The following ARMC8 variants were observed in gnomAD, a reference collection of about 807,000 sequenced individuals.
ARMC8 encodes the protein armadillo repeat containing 8, also known as armadillo repeat-containing protein 8.
ARMC8 carries 20 observed loss-of-function variants against 99.3 expected under a neutral mutation model. The observed-to-expected ratio is 0.20, with a 90% confidence interval of 0.14 to 0.29. ARMC8 has a LOEUF of 0.29. Ranked by LOEUF, ARMC8 falls within the 10% of genes least tolerant of loss-of-function variation. The pLI is 1.00. For missense variants in ARMC8, 569 were observed against 809.5 expected, an observed-to-expected ratio of 0.70 and a Z score of 3.60; for synonymous variants, 263 against 278.3, an observed-to-expected ratio of 0.95 and a Z score of 0.55.
At chr3:138,239,797 A>G (rs964605328) in intron 10 of ARMC8, among the ~76,000 whole-genome samples, 6 of 152,204 alleles carry the variant, frequency 3.9e-5, no homozygotes, top group African/African-American at 1.4e-4. Context: ...TGGAAATTGT[A>G]AAAGTGTACA....
intron 21 of ARMC8, among the ~76,000 whole-genome samples, chr3:138,292,516 A>C (rs949891557): frequency 1.3e-5 from 2 of 152,224 alleles, no homozygotes; most frequent in African/African-American, 4.8e-5. Context: ...ATCTGAAGAT[A>C]AGCACCAACG....
At chr3:138,272,741 G>A (rs1162409322) in intron 16 of ARMC8, among the ~76,000 whole-genome samples, 1 of 152,100 alleles carries the variant, frequency 6.6e-6, no homozygotes, top group Non-Finnish European at 1.5e-5. Flanking sequence ...CAGGCGTGGT[G>A]GCTCGCGCCT....
intron 1 of ARMC8, among the ~76,000 whole-genome samples, chr3:138,209,435 T>C (rs1452259113): frequency 6.6e-6 from 1 of 152,204 alleles, no homozygotes; most frequent in Non-Finnish European, 1.5e-5. Flanking sequence ...ACTTAATATC[T>C]TCCTGATGAT....
At chr3:138,258,341 GT>G (rs2047504876) in intron 12 of ARMC8, among the ~76,000 whole-genome samples, 3 of 152,184 alleles carry the variant, frequency 2.0e-5, no homozygotes, top group Non-Finnish European at 4.4e-5. Flanking sequence ...TGGAAGAATA[GT>G]TTGTCTTGTT....
chr3:138,257,611 A>G (rs566653031), intron 12 of ARMC8, among the ~76,000 whole-genome samples: 1 of 152,018 alleles, frequency 6.6e-6, no homozygotes, highest in South Asian at 2.1e-4. Flanking sequence ...CCCATTTCCA[A>G]AACTAGTGTC....
intron 2 of ARMC8, among the ~76,000 whole-genome samples, chr3:138,218,605 T>G (rs1351802878): frequency 6.6e-6 from 1 of 152,240 alleles, no homozygotes; most frequent in East Asian, 1.9e-4. Context: ...CCTTTTAAGC[T>G]TATTGAGCAT....
chr3:138,190,989 C>T (rs574703779), intron 1 of ARMC8, among the ~76,000 whole-genome samples: 3 of 152,262 alleles, frequency 2.0e-5, no homozygotes, highest in South Asian at 2.1e-4. Context: ...GGGAAGGTTT[C>T]CCTGAAGAAG....
At chr3:138,262,313 A>G in intron 12 of ARMC8, 2 of 521,904 alleles carry the variant, frequency 3.8e-6, no homozygotes, top group Non-Finnish European at 3.4e-6. Flanking sequence ...GGTTTGGTCT[A>G]GGGCGAGGAG....
At chr3:138,251,241 A>G (rs940653480) in intron 12 of ARMC8, among the ~76,000 whole-genome samples, 1 of 152,196 alleles carries the variant, frequency 6.6e-6, no homozygotes, top group South Asian at 2.1e-4. Flanking sequence ...CTTCTGGGTA[A>G]CAGTATAAAT....
At position 138,198,530 on chromosome 3, in the gene ARMC8, G is replaced by C. The variant is rs2043869481; in HGVS notation, c.45+10931G>C. On this transcript the variant is annotated intron_variant, in intron 1 of 21. Transcript: ENST00000469044. ...ATTATTATTATTATTATTATTTTTT[G>C]AGACAGATTCTCACTCTTCTCACCC... Among the ~76,000 whole-genome samples, 3 of 149,990 alleles carry C rather than the reference G, an allele frequency of 2.0e-5. 1 individual carries two copies. Among genetic ancestry groups the C allele is most frequent in the Admixed American group, 2.0e-4 (3 of 15,094 alleles).
chr3:138,234,043 A>G (rs1339620929), intron 6 of ARMC8, among the ~76,000 whole-genome samples: 3 of 151,958 alleles, frequency 2.0e-5, no homozygotes, highest in South Asian at 2.1e-4. Flanking sequence ...ATGAAAAAAA[A>G]CCCTTCATTT....
At chr3:138,229,441 A>G (rs1237707002) in intron 6 of ARMC8, among the ~76,000 whole-genome samples, 3 of 151,346 alleles carry the variant, frequency 2.0e-5, no homozygotes, top group Admixed American at 2.0e-4. Flanking sequence ...TGCTATTACA[A>G]AACAGTGCTG....
chr3:138,268,621 TAAAC>T (rs1442558371), intron 15 of ARMC8, among the ~76,000 whole-genome samples: 1 of 152,032 alleles, frequency 6.6e-6, no homozygotes, highest in Non-Finnish European at 1.5e-5. Flanking sequence ...TACTAAAAAT[TAAAC>T]AATCAACCAG....
chr3:138,193,472 G>C (rs1471192180), intron 1 of ARMC8, among the ~76,000 whole-genome samples: 2 of 152,090 alleles, frequency 1.3e-5, no homozygotes, highest in African/African-American at 4.8e-5. Flanking sequence ...CGCCATGTTG[G>C]CCAGGCTGGT....
At chr3:138,211,458 G>T (rs1329568255) in intron 2 of ARMC8, among the ~76,000 whole-genome samples, 1 of 152,130 alleles carries the variant, frequency 6.6e-6, no homozygotes, top group African/African-American at 2.4e-5. Flanking sequence ...ACTTACCAAA[G>T]AACACTAGTT....
chr3:138,293,941 A>G (rs1047669268), intron 21 of ARMC8, among the ~76,000 whole-genome samples: 2 of 152,208 alleles, frequency 1.3e-5, no homozygotes, highest in Non-Finnish European at 2.9e-5. Flanking sequence ...GTAAAATAAT[A>G]GAATCAAGGT....
chr3:138,218,310 A>G (rs2045196455), intron 2 of ARMC8, among the ~76,000 whole-genome samples: 1 of 152,134 alleles, frequency 6.6e-6, no homozygotes, highest in South Asian at 2.1e-4. Flanking sequence ...TTCCTTAGTC[A>G]CTGCTTCCTT....
At position 138,235,970 on chromosome 3, in the gene ARMC8, TG is replaced by T. The variant is rs573893993; in HGVS notation, c.609+857del. Among the ~76,000 whole-genome samples, 1,434 of 152,218 alleles carry T rather than the reference TG, an allele frequency of 9.4e-3. 5 individuals are homozygous for T. The highest frequency in any genetic ancestry group is 0.014 in the Non-Finnish European group (965 of 67,984). ...ACAGGCACCTGCCACCACCCCTGGC[TG>T]ATTTTTTCTATATTTTAGTAGAGAC... On this transcript the variant is annotated intron_variant, in intron 7 of 21. Transcript: ENST00000469044.
At position 138,242,365 on chromosome 3, in the gene ARMC8, G is replaced by A. The variant is rs562797188; in HGVS notation, c.1038+382G>A. On this transcript the variant is annotated intron_variant, in intron 11 of 21. Coordinates refer to ENST00000469044, the MANE Select transcript of ARMC8 (RefSeq NM_001363941.2). ...TAATCTTTTTGTTACAGGAGACTAA[G>A]TTGTCCCATGTTACTTTCCACCACA... 1.4e-4 allele frequency among the ~76,000 whole-genome samples: 21 copies of A among 152,242 alleles called. No homozygotes were observed. In the South Asian group the frequency reaches 3.9e-3, roughly 29 times the overall value.
Sources: allele counts gnomAD v4.1 joint callset (sites outside exome capture counted in the v4.1 genomes callset), GRCh38; gene constraint gnomAD v4.1.1; transcripts MANE v1.5; gene names NCBI Gene and HGNC (gene_info 2026-07-23, HGNC 2026-07-21).